RCAN1: variants seen among roughly 807,000 people sequenced by gnomAD.
RCAN1 encodes regulator of calcineurin 1, also known as calcipressin-1.
Under a neutral mutation model 22.9 loss-of-function variants are expected in RCAN1, and 11 were observed. The observed-to-expected ratio is 0.48, with a 90% confidence interval of 0.30 to 0.79. The LOEUF is 0.79. RCAN1 is among the 30% of genes least tolerant of loss of function. The probability of loss-of-function intolerance (pLI) is 0.06; values close to 1 mark genes in which losing one functional copy is unlikely to be tolerated. For synonymous variants in RCAN1, 136 were observed against 142.3 expected, an observed-to-expected ratio of 0.96 and a Z score of 0.32; for missense variants, 291 against 337.8, an observed-to-expected ratio of 0.86 and a Z score of 1.09.
At chr21:34,544,177 A>G (rs1052178432) in intron 1 of RCAN1, among the ~76,000 whole-genome samples, 1 of 152,232 alleles carries the variant, frequency 6.6e-6, no homozygotes, top group African/African-American at 2.4e-5. Flanking sequence ...CCTGGTGGAC[A>G]AGCTTTGCAT....
chr21:34,603,613 G>A (rs934256013), intron 1 of RCAN1, among the ~76,000 whole-genome samples: 8 of 152,148 alleles, frequency 5.3e-5, no homozygotes, highest in Non-Finnish European at 1.0e-4. Context: ...GAACCTTCTG[G>A]TCCCAGGACT....
At chr21:34,580,502 G>A (rs1346320130) in intron 1 of RCAN1, among the ~76,000 whole-genome samples, 1 of 152,208 alleles carries the variant, frequency 6.6e-6, no homozygotes, top group Non-Finnish European at 1.5e-5. Context: ...CACTTGCCCG[G>A]CTATTATCCA....
chr21:34,523,906 C>T (rs1000334577), intron 1 of RCAN1, 196 bp from the exon 2 acceptor site: 5 of 418,764 alleles, frequency 1.2e-5, no homozygotes, highest in African/African-American at 6.2e-5. Context: ...CCTCAGCCTC[C>T]CGAGTAGCTG....
At chr21:34,535,865 T>A (rs1280220026) in intron 1 of RCAN1, among the ~76,000 whole-genome samples, 7 of 145,604 alleles carry the variant, frequency 4.8e-5, no homozygotes, top group East Asian at 2.0e-4. Context: ...CATGATCTGT[T>A]AACACAGTAG....
At chr21:34,582,226 C>T (rs1987636402) in intron 1 of RCAN1, among the ~76,000 whole-genome samples, 1 of 152,298 alleles carries the variant, frequency 6.6e-6, no homozygotes, top group East Asian at 1.9e-4. Context: ...AACTTCCAAG[C>T]TCCTAAGGTA....
intron 1 of RCAN1, among the ~76,000 whole-genome samples, chr21:34,599,377 G>A (rs548727460): frequency 6.6e-6 from 1 of 152,264 alleles, no homozygotes; most frequent in East Asian, 1.9e-4. Flanking sequence ...AGGAGGCTGA[G>A]GCAGGAGAAT....
rs1327712319 is a variant in RCAN1 at position 34,585,175 on chromosome 21, G to A, written c.252+29585C>T. Among the ~76,000 whole-genome samples, 3 of 152,080 alleles carry A rather than the reference G, an allele frequency of 2.0e-5. No homozygotes were observed. In the East Asian group the frequency reaches 5.8e-4, roughly 29 times the overall value. The stretch of plus-strand genomic sequence containing the variant: ...TTTAAGGTAATAATCACTTACTTTG[G>A]TGATTATTTATAACATTAACAGCTC... On this transcript the variant is annotated intron_variant, in intron 1 of 3. Coordinates refer to ENST00000313806, the MANE Select transcript of RCAN1 (RefSeq NM_004414.7).
chr21:34,609,612 C>G (rs2123736989), intron 1 of RCAN1, among the ~76,000 whole-genome samples: 1 of 152,330 alleles, frequency 6.6e-6, no homozygotes, highest in South Asian at 2.1e-4. Context: ...CTATTCTGCT[C>G]TAGCACAAAG....
At chr21:34,609,395 C>T (rs1988624964) in intron 1 of RCAN1, among the ~76,000 whole-genome samples, 1 of 152,156 alleles carries the variant, frequency 6.6e-6, no homozygotes, top group Non-Finnish European at 1.5e-5. Flanking sequence ...ACAATGTACA[C>T]CCAGGGTCTA....
chr21:34,521,784 C>T, intron 2 of RCAN1, 126 bp from the exon 3 acceptor site: 1 of 749,576 alleles, frequency 1.3e-6, no homozygotes, highest in Non-Finnish European at 2.2e-6. Context: ...GGTGTGATTC[C>T]AGGACCAATT....
At chr21:34,564,791 C>T (rs981236155) in intron 1 of RCAN1, among the ~76,000 whole-genome samples, 1 of 151,858 alleles carries the variant, frequency 6.6e-6, no homozygotes, top group Non-Finnish European at 1.5e-5. Context: ...ATAGTGCTAC[C>T]CAATATGTGA....
At position 34,517,958 on chromosome 21, in the gene RCAN1, A is replaced by G. The variant is rs928663856; in HGVS notation, c.*126T>C. The G allele has an allele frequency of 4.0e-5, 46 of 1,150,884 alleles. No individual in the cohort carries two copies. The highest frequency in any genetic ancestry group is 2.9e-5 in the Non-Finnish European group (23 of 790,984). The allele number at this position is 1,150,884 out of a possible 1,614,324, so 71.3% of individuals were successfully genotyped here. ...CGGCCTTGATTCTCTTCTGAGCAAC[A>G]TGAACTGGGATTTCTGCCACCCCGA... On this transcript the variant is annotated 3_prime_UTR_variant, in exon 4 of 4. Transcript: ENST00000313806.
intron 1 of RCAN1, among the ~76,000 whole-genome samples, chr21:34,570,397 T>C (rs971567510): frequency 6.6e-6 from 1 of 152,218 alleles, no homozygotes; most frequent in African/African-American, 2.4e-5. Flanking sequence ...TTACCAGTGG[T>C]GTAAGAGGTC....
intron 1 of RCAN1, among the ~76,000 whole-genome samples, chr21:34,590,049 CT>C (rs1422891852): frequency 8.5e-5 from 13 of 152,254 alleles, no homozygotes; most frequent in African/African-American, 2.9e-4. Flanking sequence ...TCATTACCTT[CT>C]GTTCACACTG....
intron 1 of RCAN1, among the ~76,000 whole-genome samples, chr21:34,582,741 C>G (rs1987659068): frequency 6.6e-6 from 1 of 152,156 alleles, no homozygotes; most frequent in African/African-American, 2.4e-5. Flanking sequence ...CCACTGGCTG[C>G]TCCATTGAGA....
rs188006319 is a variant in RCAN1 at position 34,538,505 on chromosome 21, C to T, written c.253-14795G>A. Among the ~76,000 whole-genome samples, 336 of 152,274 alleles carry T rather than the reference C, an allele frequency of 2.2e-3. 1 individual carries two copies. Among genetic ancestry groups the T allele is most frequent in the Non-Finnish European group, 3.4e-3 (230 of 68,018 alleles). On this transcript the variant is annotated intron_variant, in intron 1 of 3. Coordinates refer to ENST00000313806, the MANE Select transcript of RCAN1 (RefSeq NM_004414.7). ...AACTCCCCAGCCAATTCCCCATCCA[C>T]TCCCCGCCATGGGTACTGGCCGCTT...
At chr21:34,532,437 G>A (rs769125043) in intron 1 of RCAN1, among the ~76,000 whole-genome samples, 17 of 152,300 alleles carry the variant, frequency 1.1e-4, no homozygotes, top group Admixed American at 2.0e-4. Flanking sequence ...CTCCAGCACC[G>A]TGCTCACTTC....
chr21:34,522,957 C>A (rs968313751), intron 2 of RCAN1: 2 of 152,314 alleles, frequency 1.3e-5, no homozygotes, highest in Admixed American at 1.3e-4. Flanking sequence ...CCAGCTACCC[C>A]TCTCCCTGCC....
At chr21:34,519,397 C>CTTTTTTTTTTTTTTTTTTTTTTTTTCTTT (rs34152667) in intron 3 of RCAN1, among the ~76,000 whole-genome samples, 1 of 102,786 alleles carries the variant, frequency 9.7e-6, no homozygotes, top group African/African-American at 3.7e-5. Flanking sequence ...TTCTTTCTTT[C>CTTTTTTTTTTTTTTTTTTTTTTTTTCTTT]TTTTTTTTTT....
Sources: gnomAD v4.1 joint callset for allele counts (sites outside exome capture counted in the v4.1 genomes callset) on GRCh38, gnomAD v4.1.1 for gene constraint, MANE v1.5 for transcripts, NCBI Gene and HGNC (gene_info 2026-07-23, HGNC 2026-07-21) for gene names.